HAAO: variants seen among roughly 807,000 people sequenced by gnomAD.
The protein encoded by HAAO is 3-hydroxyanthranilate 3,4-dioxygenase, also known as 3-hydroxyanthranilate oxygenase.
In HAAO, 49 loss-of-function variants were observed where a neutral mutation model predicts 46.2. The observed-to-expected ratio is 1.06, with a 90% CI of 0.84 to 1.34. The LOEUF is 1.34. Ranked by LOEUF, HAAO falls within the 40% of genes most tolerant of loss-of-function variation. The probability of loss-of-function intolerance (pLI) is 0.00; values close to 1 mark genes in which losing one functional copy is unlikely to be tolerated. For synonymous variants in HAAO, 157 were observed against 145.2 expected (o/e 1.08, Z -0.58); for missense variants, 408 against 364.5 (o/e 1.12, Z -0.97).
intron 7 of HAAO, 139 bp from the exon 8 acceptor site, chr2:42,768,067 G>C: frequency 1.4e-6 from 1 of 712,856 alleles, no homozygotes. Context: ...GTGCTGAGCA[G>C]AGACCAGGAC....
rs535740922 is a variant in HAAO at position 42,767,174 on chromosome 2, G to A, written c.*263C>T. On this transcript the variant is annotated 3_prime_UTR_variant, in exon 10 of 10. Transcript: ENST00000294973. The stretch of plus-strand genomic sequence containing the variant: ...TGCAGGGACAGAGGAATGGGCAGGA[G>A]CGGGGCCGGGGGTAGACCACCTGGC... 1 of 576,410 alleles carries A rather than the reference G, an allele frequency of 1.7e-6. No individual in the cohort carries two copies. The highest frequency in any genetic ancestry group is 2.9e-5 in the East Asian group (1 of 34,378). The allele number at this position is 576,410 out of a possible 1,614,324, so 35.7% of individuals were successfully genotyped here.
chr2:42,792,061 T>C (rs1558679980), intron 1 of HAAO, among the ~76,000 whole-genome samples: 1 of 152,134 alleles, frequency 6.6e-6, no homozygotes. Context: ...GGGTGTATGA[T>C]TTGGCTGCCC....
chr2:42,769,920 G>A, intron 6 of HAAO, 62 bp from the exon 7 acceptor site: 1 of 1,529,236 alleles, frequency 6.5e-7, no homozygotes, highest in Non-Finnish European at 8.8e-7. Flanking sequence ...GCCCCAGTGG[G>A]CCCAGTTCCC....
chr2:42,767,626 CAG>C lies in HAAO; in HGVS notation c.749_750del (p.Pro250ArgfsTer2), dbSNP rs1340227661. ...CCAGCTAGCACCAGGAGGCTGTCAT[CAG>C]GGGCCAGGCTCAGGCGCCGTCCCCC... ...TMGGRRLSLA[P>X]DDSLLVLAGT... is the part of the protein sequence containing the mutation. On this transcript the variant is annotated frameshift_variant, in exon 9 of 10. Coordinates refer to ENST00000294973, the MANE Select transcript of HAAO (RefSeq NM_012205.3). LOFTEE classifies it high-confidence loss of function. 1 of 1,573,052 alleles carries C rather than the reference CAG, an allele frequency of 6.4e-7. No individual in the cohort carries two copies. Among genetic ancestry groups the C allele is most frequent in the Non-Finnish European group, 8.6e-7 (1 of 1,158,470 alleles).
At chr2:42,772,480 C>CAAAAA (rs765907105) in intron 4 of HAAO, among the ~76,000 whole-genome samples, 1 of 119,402 alleles carries the variant, frequency 8.4e-6, no homozygotes, top group African/African-American at 2.9e-5. Context: ...GACTCCATCT[C>CAAAAA]AAAAAAAAAA....
chr2:42,791,370 G>A (rs910124518), intron 1 of HAAO, among the ~76,000 whole-genome samples: 1 of 152,174 alleles, frequency 6.6e-6, no homozygotes, highest in African/African-American at 2.4e-5. Flanking sequence ...CTGAGAAGGA[G>A]CGACTGCAGA....
At chr2:42,774,650 G>A (rs1248557774) in intron 4 of HAAO, among the ~76,000 whole-genome samples, 1 of 152,080 alleles carries the variant, frequency 6.6e-6, no homozygotes, top group African/African-American at 2.4e-5. Context: ...TTGAGCCTGA[G>A]ACCCATCCCT....
intron 4 of HAAO, among the ~76,000 whole-genome samples, 186 bp from the exon 5 acceptor site, chr2:42,770,768 T>C (rs1251965587): frequency 6.6e-6 from 1 of 152,122 alleles, no homozygotes; most frequent in Non-Finnish European, 1.5e-5. Flanking sequence ...GTGCGCCCCC[T>C]GAGAGGGCTA....
At chr2:42,768,176 C>T (rs995661007) in intron 7 of HAAO, among the ~76,000 whole-genome samples, 6 of 152,224 alleles carry the variant, frequency 3.9e-5, no homozygotes, top group Non-Finnish European at 8.8e-5. Flanking sequence ...GCAGTGCACC[C>T]GTGGTCCCTC....
At chr2:42,783,017 G>A (rs1672125321) in intron 4 of HAAO, 9 of 474,580 alleles carry the variant, frequency 1.9e-5, no homozygotes, top group African/African-American at 3.9e-5. Flanking sequence ...GACCTGTCTC[G>A]AATTTTCAAG....
At chr2:42,792,388 G>A (rs1672869318) in intron 1 of HAAO, 69 bp downstream of exon 1, 2 of 822,750 alleles carry the variant, frequency 2.4e-6, no homozygotes, top group South Asian at 3.5e-5. Context: ...GGAGCTGGAA[G>A]GTGAGGGCGC....
rs749371053 is a variant in HAAO, at chr2:42,767,632, C to A, written c.745G>T (p.Ala249Ser). The part of the protein sequence containing the change: ...VTMGGRRLSL[A>S]PDDSLLVLAG... ...AGCACCAGGAGGCTGTCATCAGGGGCCAGGCTCAGGCGCCGTCCCCCCATT... is the reference window on the plus strand; with the variant it reads ...AGCACCAGGAGGCTGTCATCAGGGGACAGGCTCAGGCGCCGTCCCCCCATT... The change falls in exon 9 of 10, where the codon GCC becomes TCC. Residue 249 changes from alanine to serine, a missense_variant. Ala to Ser is a moderately conservative substitution (Grantham distance 99). Transcript: ENST00000294973. 2.5e-6 allele frequency: 4 copies of A among 1,571,922 alleles called. No homozygotes were observed. Among genetic ancestry groups the A allele is most frequent in the Non-Finnish European group, 3.5e-6 (4 of 1,157,924 alleles).
intron 4 of HAAO, among the ~76,000 whole-genome samples, chr2:42,776,045 T>C (rs1330031431): frequency 6.6e-6 from 1 of 151,890 alleles, no homozygotes; most frequent in Non-Finnish European, 1.5e-5. Context: ...AAGTGCACTG[T>C]AAAAGCATCA....
chr2:42,777,228 G>C (rs577803007), intron 4 of HAAO, among the ~76,000 whole-genome samples: 1 of 144,014 alleles, frequency 6.9e-6, no homozygotes, highest in Admixed American at 7.2e-5. Context: ...GCTTGAACCT[G>C]AGAGGCAGAA....
chr2:42,789,123 A>T (rs1672602637), intron 1 of HAAO: 1 of 178,250 alleles, frequency 5.6e-6, no homozygotes, highest in Admixed American at 5.5e-5. Flanking sequence ...TCAGTGTGGC[A>T]TGTGTTTATA....
intron 1 of HAAO, 89 bp downstream of exon 1, chr2:42,792,361 TCTGGGTC>T: frequency 1.5e-6 from 1 of 647,220 alleles, no homozygotes. Flanking sequence ...TCTGCAAGCT[TCTGGGTC>T]CAGGAACTCG....
rs773185639 is a variant in HAAO, at chr2:42,792,530, G to A, written c.7C>T (p.Arg3Cys). The stretch of plus-strand genomic sequence containing the variant: ...ACCCAGGCCCTCACTCCCAGGCGGC[G>A]CTCCATGACTGTCCCGGGCGCCTCC... ME[R>C]RLGVRAWVKE... The change falls in exon 1 of 10, where the codon CGC (arginine) becomes TGC (cysteine). Residue 3 changes from arginine (R) to cysteine (C), a missense_variant. Physicochemically the swap from Arg to Cys is radical, Grantham distance 180 (BLOSUM62 -3). Coordinates refer to ENST00000294973, the MANE Select transcript of HAAO (RefSeq NM_012205.3). The A allele has an allele frequency of 7.0e-6, 11 of 1,579,028 alleles. No homozygotes were observed. Among genetic ancestry groups the A allele is most frequent in the South Asian group, 5.7e-5 (5 of 87,568 alleles).
intron 2 of HAAO, among the ~76,000 whole-genome samples, chr2:42,785,188 C>T (rs1672297243): frequency 1.3e-5 from 2 of 152,160 alleles, no homozygotes; most frequent in South Asian, 2.1e-4. Flanking sequence ...ATGCTTTACA[C>T]ATATGTGCTC....
At chr2:42,779,611 C>T (rs377483711) in intron 4 of HAAO, among the ~76,000 whole-genome samples, 17 of 152,290 alleles carry the variant, frequency 1.1e-4, no homozygotes, top group East Asian at 3.9e-4. Flanking sequence ...TGAGCCACCG[C>T]GCCCAGCTTC....
Sources: allele counts gnomAD v4.1 joint callset (sites outside exome capture counted in the v4.1 genomes callset), GRCh38; gene constraint gnomAD v4.1.1; transcripts MANE v1.5; gene names NCBI Gene and HGNC (gene_info 2026-07-23, HGNC 2026-07-21).